Variants in SLC24A3 observed in about 807,000 individuals in gnomAD.
SLC24A3 encodes sodium/potassium/calcium exchanger 3.
In SLC24A3, 28 loss-of-function variants were observed where a neutral mutation model predicts 75.8. The observed-to-expected ratio is 0.37, with a 90% CI of 0.27 to 0.51. The LOEUF is 0.51. SLC24A3 is among the 20% of genes least tolerant of loss of function. SLC24A3 has a pLI of 0.94. For synonymous variants in SLC24A3, 372 were observed against 334.1 expected (o/e 1.11, Z -1.24); for missense variants, 663 against 847.8 (o/e 0.78, Z 2.71).
chr20:19,389,593 G>T (rs906983822), intron 2 of SLC24A3, among the ~76,000 whole-genome samples: 1 of 151,772 alleles, frequency 6.6e-6, no homozygotes, highest in Non-Finnish European at 1.5e-5. Flanking sequence ...GAAATCTTCT[G>T]ATAGTCTAAC....
chr20:19,495,974 T>C (rs999937368), intron 2 of SLC24A3, among the ~76,000 whole-genome samples: 2 of 152,066 alleles, frequency 1.3e-5, no homozygotes, highest in Non-Finnish European at 2.9e-5. Context: ...AAGATTTTTT[T>C]TAAAAACAAT....
rs890563472 is a variant in SLC24A3, at chr20:19,684,289, C to T, written c.1015C>T (p.Pro339Ser). 1.9e-6 allele frequency: 3 copies of T among 1,614,062 alleles called. No homozygotes were observed. Among genetic ancestry groups the T allele is most frequent in the Non-Finnish European group, 2.5e-6 (3 of 1,179,992 alleles). The change falls in exon 11 of 17, where the codon CCC becomes TCC. Residue 339 changes from proline to serine, a missense_variant. This residue lies in a region of SLC24A3 where 510 missense variants were observed against 703.6 expected (regional missense o/e 0.72). Coordinates refer to ENST00000328041, the MANE Select transcript of SLC24A3 (RefSeq NM_020689.4). ...TCGAATCATGATAACCAGCCACTTT[C>T]CCCCCAAGACCCGGCTCTCCATGGC... ...GLRIMITSHFPPKTRLSMASR... is the reference protein window; with the variant it reads ...GLRIMITSHFSPKTRLSMASR...
chr20:19,404,825 C>T (rs1986613991), intron 2 of SLC24A3, among the ~76,000 whole-genome samples: 1 of 152,178 alleles, frequency 6.6e-6, no homozygotes, highest in Non-Finnish European at 1.5e-5. Context: ...TGGCTCTTTC[C>T]CTAATTAAGT....
intron 2 of SLC24A3, among the ~76,000 whole-genome samples, chr20:19,499,807 TAC>T (rs1988357353): frequency 6.6e-6 from 1 of 152,210 alleles, no homozygotes; most frequent in African/African-American, 2.4e-5. Context: ...TACATACATG[TAC>T]ACACATGGAT....
intron 1 of SLC24A3, among the ~76,000 whole-genome samples, chr20:19,270,760 T>C (rs1317253154): frequency 6.7e-6 from 1 of 149,940 alleles, no homozygotes; most frequent in Non-Finnish European, 1.5e-5. Context: ...TATGTGAGTG[T>C]GGGAGAGAGA....
intron 2 of SLC24A3, among the ~76,000 whole-genome samples, chr20:19,323,119 T>C (rs1253735663): frequency 7.2e-6 from 1 of 138,632 alleles, no homozygotes; most frequent in Non-Finnish European, 1.5e-5. Flanking sequence ...GGCAGGAGAA[T>C]GGCGTGAACC....
At chr20:19,494,419 G>A (rs891619642) in intron 2 of SLC24A3, among the ~76,000 whole-genome samples, 36 of 152,184 alleles carry the variant, frequency 2.4e-4, no homozygotes, top group Admixed American at 2.2e-3. Flanking sequence ...AGGATGCTTG[G>A]TTCTGTCCAG....
At chr20:19,439,111 C>T (rs768034343) in intron 2 of SLC24A3, among the ~76,000 whole-genome samples, 14 of 152,206 alleles carry the variant, frequency 9.2e-5, no homozygotes, top group Non-Finnish European at 1.8e-4. Flanking sequence ...CATTCCACTG[C>T]TGTGCTTGTC....
intron 2 of SLC24A3, among the ~76,000 whole-genome samples, chr20:19,417,099 G>A (rs6046077): frequency 0.56 from 84,456 of 151,926 alleles, 24,272 homozygotes; most frequent in East Asian, 0.91. Flanking sequence ...CGATGGCAGG[G>A]GAAATGTTAG....
At chr20:19,326,357 G>C (rs1600430974) in intron 2 of SLC24A3, among the ~76,000 whole-genome samples, 1 of 152,036 alleles carries the variant, frequency 6.6e-6, no homozygotes, top group East Asian at 1.9e-4. Context: ...ACTTGATGGG[G>C]ACTATGGGCT....
intron 2 of SLC24A3, among the ~76,000 whole-genome samples, chr20:19,404,406 G>A (rs562141308): frequency 2.6e-5 from 4 of 152,190 alleles, no homozygotes; most frequent in Non-Finnish European, 5.9e-5. Context: ...TCATGGGGGT[G>A]TAGGTAAAAG....
At chr20:19,664,473 T>G (rs918057037) in intron 7 of SLC24A3, among the ~76,000 whole-genome samples, 3 of 152,218 alleles carry the variant, frequency 2.0e-5, no homozygotes, top group African/African-American at 7.2e-5. Flanking sequence ...GAGTTACAAA[T>G]GAGCACAGCT....
intron 2 of SLC24A3, among the ~76,000 whole-genome samples, chr20:19,475,041 A>G (rs917440361): frequency 6.6e-6 from 1 of 152,206 alleles, no homozygotes; most frequent in Non-Finnish European, 1.5e-5. Flanking sequence ...CACACGCCCC[A>G]TAAAAATCAC....
chr20:19,523,685 T>A (rs1366613678), intron 3 of SLC24A3, among the ~76,000 whole-genome samples: 1 of 152,212 alleles, frequency 6.6e-6, no homozygotes, highest in East Asian at 1.9e-4. Flanking sequence ...CCACTTTAGC[T>A]TGTAGCCATG....
At chr20:19,437,821 C>G (rs1987232383) in intron 2 of SLC24A3, among the ~76,000 whole-genome samples, 1 of 152,212 alleles carries the variant, frequency 6.6e-6, no homozygotes, top group African/African-American at 2.4e-5. Context: ...TCCTCCTCCA[C>G]CCTGTTCCCC....
At chr20:19,483,069 A>G (rs1364188439) in intron 2 of SLC24A3, among the ~76,000 whole-genome samples, 2 of 152,240 alleles carry the variant, frequency 1.3e-5, no homozygotes, top group African/African-American at 4.8e-5. Flanking sequence ...TAGGCTTGAC[A>G]GCAATAAGTA....
chr20:19,251,654 A>T (rs1982657026), intron 1 of SLC24A3, among the ~76,000 whole-genome samples: 1 of 152,164 alleles, frequency 6.6e-6, no homozygotes. Context: ...CAGGGTATTG[A>T]TCCACCTAAT....
At chr20:19,558,052 A>G (rs2030817908) in intron 3 of SLC24A3, among the ~76,000 whole-genome samples, 1 of 152,090 alleles carries the variant, frequency 6.6e-6, no homozygotes. Flanking sequence ...ATAACCTGCA[A>G]TAGAAGATGG....
intron 2 of SLC24A3, among the ~76,000 whole-genome samples, chr20:19,346,304 A>ATATATATATGGTATATATATGGTG: frequency 1.8e-5 from 1 of 56,634 alleles, no homozygotes; most frequent in South Asian, 5.3e-4. Flanking sequence ...TATATGGTGT[A>ATATATATATGGTATATATATGGTG]TATATATATA....
Sources: allele counts gnomAD v4.1 joint callset (sites outside exome capture counted in the v4.1 genomes callset), GRCh38; gene constraint gnomAD v4.1.1; regional missense constraint gnomAD v4.1.1; transcripts MANE v1.5; gene names NCBI Gene and HGNC (gene_info 2026-07-23, HGNC 2026-07-21).